The following PCDH15 variants were observed in gnomAD, a reference collection of about 807,000 sequenced individuals.
PCDH15 encodes the protein protocadherin-15.
Under a neutral mutation model 178.5 loss-of-function variants are expected in PCDH15, and 129 were observed. The ratio of observed to expected loss-of-function variants is 0.72; its 90% CI spans 0.63 to 0.84. PCDH15 has a LOEUF of 0.84. Ranked by LOEUF, PCDH15 falls within the 40% of genes least tolerant of loss-of-function variation. The pLI is 0.00. For synonymous variants in PCDH15, 800 were observed against 732.0 expected (o/e 1.09, Z -1.50); for missense variants, 2,230 against 2,099.9 (o/e 1.06, Z -1.21).
intron 2 of PCDH15, among the ~76,000 whole-genome samples, chr10:55,456,436 C>G (rs570044416): frequency 1.3e-5 from 2 of 152,106 alleles, no homozygotes; most frequent in South Asian, 4.1e-4. Flanking sequence ...TTATTTCCTT[C>G]ATGCATTCTG....
chr10:54,332,462 C>G (rs190036930), intron 6 of PCDH15, among the ~76,000 whole-genome samples: 1 of 145,192 alleles, frequency 6.9e-6, no homozygotes, highest in Non-Finnish European at 1.5e-5. Context: ...GTAGGCCTCT[C>G]TCTTCTCCAA....
intron 2 of PCDH15, among the ~76,000 whole-genome samples, chr10:54,955,519 T>G (rs1255125023): frequency 6.6e-6 from 1 of 151,388 alleles, no homozygotes; most frequent in Non-Finnish European, 1.5e-5. Flanking sequence ...GTATGTTTGT[T>G]TCATATTTTC....
At chr10:54,073,320 CAT>C (rs1199301413) in intron 17 of PCDH15, among the ~76,000 whole-genome samples, 1 of 151,550 alleles carries the variant, frequency 6.6e-6, no homozygotes, top group Non-Finnish European at 1.5e-5. Flanking sequence ...TAAAGATTCA[CAT>C]ATATGACTTA....
chr10:55,397,867 G>A (rs941128376), intron 2 of PCDH15, among the ~76,000 whole-genome samples: 1 of 152,120 alleles, frequency 6.6e-6, no homozygotes, highest in African/African-American at 2.4e-5. Context: ...GGGATTACAG[G>A]CATGAGCCAC....
At chr10:55,581,999 T>G (rs981908992) in intron 2 of PCDH15, among the ~76,000 whole-genome samples, 4 of 152,128 alleles carry the variant, frequency 2.6e-5, no homozygotes, top group African/African-American at 9.7e-5. Context: ...TATGCCACCA[T>G]GTAATGGTGG....
At chr10:55,114,794 A>T (rs976074828) in intron 2 of PCDH15, among the ~76,000 whole-genome samples, 1 of 152,194 alleles carries the variant, frequency 6.6e-6, no homozygotes, top group Non-Finnish European at 1.5e-5. Flanking sequence ...GCTCTGTACT[A>T]TCCATCTCCA....
chr10:53,887,095 T>C (rs1406811195), intron 26 of PCDH15, among the ~76,000 whole-genome samples: 1 of 152,198 alleles, frequency 6.6e-6, no homozygotes, highest in African/African-American at 2.4e-5. Context: ...AGAACCAAAG[T>C]AAACACATAT....
chr10:54,217,969 G>A (rs1345167156), intron 9 of PCDH15, among the ~76,000 whole-genome samples: 2 of 151,882 alleles, frequency 1.3e-5, no homozygotes, highest in Non-Finnish European at 2.9e-5. Context: ...GCATCAATAA[G>A]GATCATATCA....
intron 2 of PCDH15, among the ~76,000 whole-genome samples, chr10:55,530,850 A>C (rs1046116828): frequency 3.9e-5 from 6 of 151,990 alleles, no homozygotes; most frequent in African/African-American, 1.4e-4. Flanking sequence ...AAATTGTTGT[A>C]GGTCTGGCAG....
chr10:53,908,477 CT>C (rs1160815685), intron 25 of PCDH15, among the ~76,000 whole-genome samples: 1 of 152,176 alleles, frequency 6.6e-6, no homozygotes. Flanking sequence ...TGGTTATACT[CT>C]TTTTTGACTG....
chr10:53,893,715 T>G (rs552746203), intron 26 of PCDH15, among the ~76,000 whole-genome samples: 1 of 152,324 alleles, frequency 6.6e-6, no homozygotes, highest in African/African-American at 2.4e-5. Flanking sequence ...AAATACTGTA[T>G]GTTCTCATCT....
chr10:53,863,075 C>T (rs1173942496), intron 27 of PCDH15, among the ~76,000 whole-genome samples: 2 of 152,048 alleles, frequency 1.3e-5, no homozygotes, highest in Non-Finnish European at 2.9e-5. Context: ...TAAATAAACA[C>T]CTTTTAAAAA....
In PCDH15 at chr10:55,009,250, A is replaced by ATGTGTGTGTG. The variant is rs5785109; in HGVS notation, c.-79-111760_-79-111751dup. On this transcript the variant is annotated intron_variant, in intron 2 of 5. Coordinates refer to the PCDH15 transcript ENST00000458638. ...AATTTTGTTTTAATTGCACGCACAG[A>ATGTGTGTGTG]TGTGTGTGTGTGTGTGTGTGTGTTT... Among the ~76,000 whole-genome samples, 5 of 149,356 alleles carry ATGTGTGTGTG rather than the reference A, an allele frequency of 3.3e-5. No individual in the cohort carries two copies. In the East Asian group the frequency reaches 9.9e-4, roughly 30 times the overall value.
At chr10:54,342,376 C>T (rs1428950818) in intron 6 of PCDH15, among the ~76,000 whole-genome samples, 1 of 152,184 alleles carries the variant, frequency 6.6e-6, no homozygotes, top group Non-Finnish European at 1.5e-5. Flanking sequence ...TTCAGAGGTG[C>T]AAGCCCCATG....
intron 2 of PCDH15, among the ~76,000 whole-genome samples, chr10:55,037,234 A>G (rs1247095887): frequency 6.7e-6 from 1 of 148,184 alleles, no homozygotes; most frequent in African/African-American, 2.5e-5. Context: ...TGACATCTTA[A>G]TTTTTTTTTT....
chr10:55,610,298 G>C (rs577079611), intron 2 of PCDH15, among the ~76,000 whole-genome samples: 3 of 152,120 alleles, frequency 2.0e-5, no homozygotes, highest in African/African-American at 7.2e-5. Context: ...TTTTTAAAAA[G>C]GAAACTTCTT....
At chr10:55,558,098 T>C (rs1299256597) in intron 2 of PCDH15, among the ~76,000 whole-genome samples, 1 of 152,082 alleles carries the variant, frequency 6.6e-6, no homozygotes, top group African/African-American at 2.4e-5. Flanking sequence ...GCTGGCATAA[T>C]AGATGCCTCA....
chr10:54,466,714 C>T (rs1207369420), intron 3 of PCDH15, among the ~76,000 whole-genome samples: 2 of 151,622 alleles, frequency 1.3e-5, no homozygotes, highest in East Asian at 1.9e-4. Context: ...TTGCCATTGG[C>T]GTTTTGATAG....
At chr10:55,158,700 A>C (rs1564848069) in intron 2 of PCDH15, among the ~76,000 whole-genome samples, 1 of 151,828 alleles carries the variant, frequency 6.6e-6, no homozygotes, top group Non-Finnish European at 1.5e-5. Flanking sequence ...AAGTAAAAAA[A>C]AAAAAGAAAG....
Sources: gnomAD v4.1 joint callset for allele counts (sites outside exome capture counted in the v4.1 genomes callset) on GRCh38, gnomAD v4.1.1 for gene constraint, MANE v1.5 for transcripts, NCBI Gene and HGNC (gene_info 2026-07-23, HGNC 2026-07-21) for gene names.